NETO1: variants seen among roughly 807,000 people sequenced by gnomAD.
NETO1 encodes the protein neuropilin and tolloid like 1.
Under a neutral mutation model 61.3 loss-of-function variants are expected in NETO1, and 26 were observed. The ratio of observed to expected loss-of-function variants is 0.42; its 90% CI spans 0.31 to 0.59. The LOEUF is 0.59. Ranked by LOEUF, NETO1 falls within the 20% of genes least tolerant of loss-of-function variation. NETO1 has a pLI of 0.12. For synonymous variants in NETO1, 225 were observed against 225.8 expected, an observed-to-expected ratio of 1.00 and a Z score of 0.03; for missense variants, 531 against 662.8, an observed-to-expected ratio of 0.80 and a Z score of 2.18.
At chr18:72,819,169 CCT>C (rs935082141) in intron 4 of NETO1, among the ~76,000 whole-genome samples, 58 of 152,126 alleles carry the variant, frequency 3.8e-4, no homozygotes, top group African/African-American at 1.3e-3. Flanking sequence ...TTTCTCTCTC[CCT>C]CTCTCAAACT....
chr18:72,848,284 C>T (rs970360992), intron 4 of NETO1, among the ~76,000 whole-genome samples: 5 of 152,118 alleles, frequency 3.3e-5, no homozygotes, highest in African/African-American at 1.2e-4. Context: ...TTCATATCAA[C>T]CCCACAGATG....
At chr18:72,817,986 T>C (rs77695090) in intron 4 of NETO1, among the ~76,000 whole-genome samples, 1 of 152,188 alleles carries the variant, frequency 6.6e-6, no homozygotes, top group Admixed American at 6.5e-5. Flanking sequence ...TGGATCCTCA[T>C]GCAGGTGAGC....
intron 7 of NETO1, among the ~76,000 whole-genome samples, chr18:72,769,505 C>T (rs2071273870): frequency 6.6e-6 from 1 of 152,110 alleles, no homozygotes; most frequent in Non-Finnish European, 1.5e-5. Flanking sequence ...CTCTTGCTTT[C>T]CTAGACTTAA....
rs569844595 is a variant in NETO1 at position 72,750,327 on chromosome 18, T to G, written c.1276A>C (p.Lys426Gln). Residue 426 changes from lysine to glutamine, a missense_variant, in exon 9 of 11, where the codon AAA becomes CAA. By Grantham distance (53) the Lys-to-Gln change is moderately conservative (BLOSUM62 1). Transcript: ENST00000327305. ...CCACAGTGATGGTCATGAATGCATT[T>G]GGAAGATGACCTCCGCAGTTTATGG... ...NYHKLRRSSSKCIHDHHCGSQ... is the reference protein window; with the variant it reads ...NYHKLRRSSSQCIHDHHCGSQ... 6.2e-7 allele frequency: 1 copy of G among 1,614,106 alleles called. No individual in the cohort carries two copies. The highest frequency in any genetic ancestry group is 2.2e-5 in the East Asian group (1 of 44,876).
chr18:72,749,521 A>G (rs1025187829), intron 9 of NETO1, among the ~76,000 whole-genome samples: 1 of 152,118 alleles, frequency 6.6e-6, no homozygotes, highest in Non-Finnish European at 1.5e-5. Flanking sequence ...ATACTATCCT[A>G]TGCAATTCCT....
intron 4 of NETO1, among the ~76,000 whole-genome samples, chr18:72,822,729 T>C (rs2145308732): frequency 6.6e-6 from 1 of 152,308 alleles, no homozygotes; most frequent in South Asian, 2.1e-4. Context: ...AGCTGAAGAC[T>C]TCACTTGCGG....
At chr18:72,817,115 G>A (rs990466448) in intron 4 of NETO1, among the ~76,000 whole-genome samples, 3 of 152,150 alleles carry the variant, frequency 2.0e-5, no homozygotes, top group Admixed American at 2.0e-4. Flanking sequence ...CTCTTCTCTT[G>A]GAACCTGAGT....
chr18:72,782,279 T>G (rs1317725447), intron 7 of NETO1, among the ~76,000 whole-genome samples: 2 of 152,200 alleles, frequency 1.3e-5, no homozygotes, highest in African/African-American at 4.8e-5. Flanking sequence ...TTCCATGCCT[T>G]TACTATGGGA....
At chr18:72,767,318 C>T (rs778815243) in intron 7 of NETO1, among the ~76,000 whole-genome samples, 4 of 152,154 alleles carry the variant, frequency 2.6e-5, no homozygotes, top group Non-Finnish European at 5.9e-5. Flanking sequence ...TAGAATCAGA[C>T]ACATTAATAT....
chr18:72,774,363 G>A (rs959884590), intron 7 of NETO1, among the ~76,000 whole-genome samples: 1 of 151,962 alleles, frequency 6.6e-6, no homozygotes, highest in East Asian at 1.9e-4. Flanking sequence ...ATTCATATTG[G>A]GCAGTTATTC....
chr18:72,759,010 A>C (rs1271082992), intron 7 of NETO1, among the ~76,000 whole-genome samples: 2 of 152,190 alleles, frequency 1.3e-5, no homozygotes, highest in Non-Finnish European at 2.9e-5. Context: ...GCATATATGC[A>C]ATGATGCACT....
intron 7 of NETO1, among the ~76,000 whole-genome samples, chr18:72,772,825 CTATATATATATATATATATATATA>C (rs59339805): frequency 0.016 from 662 of 40,850 alleles, 27 homozygotes; most frequent in African/African-American, 0.047. Context: ...CTCTCTCTCT[CTATATATATATATATATATATATA>C]TATATATATA....
chr18:72,829,146 A>G (rs1254025071), intron 4 of NETO1, among the ~76,000 whole-genome samples: 1 of 152,318 alleles, frequency 6.6e-6, no homozygotes, highest in East Asian at 1.9e-4. Flanking sequence ...GAAAAACACA[A>G]TCATTATAAA....
intron 1 of NETO1, 126 bp downstream of exon 1, chr18:72,867,138 G>T (rs2074763265): frequency 3.1e-6 from 2 of 654,976 alleles, no homozygotes; most frequent in South Asian, 3.3e-5. Context: ...CGTCGGCCCC[G>T]ACCCGCGCGG....
chr18:72,797,548 GCAGA>G (rs149067637), intron 4 of NETO1, among the ~76,000 whole-genome samples: 3,130 of 152,230 alleles, frequency 0.021, 86 homozygotes, highest in East Asian at 0.088. Context: ...GAATTATTAG[GCAGA>G]CACACGATAA....
intron 1 of NETO1, chr18:72,866,595 A>T (rs1348864034): frequency 2.4e-5 from 13 of 535,758 alleles, no homozygotes; most frequent in Non-Finnish European, 3.1e-5. Flanking sequence ...ACCCCTCTCA[A>T]CTGCGTGGCC....
chr18:72,769,660 T>A (rs113500229), intron 7 of NETO1, among the ~76,000 whole-genome samples: 2 of 152,268 alleles, frequency 1.3e-5, no homozygotes, highest in African/African-American at 4.8e-5. Flanking sequence ...CCATTGTCTT[T>A]TACATATATG....
chr18:72,788,722 T>C (rs1321651839), intron 6 of NETO1, among the ~76,000 whole-genome samples: 2 of 152,102 alleles, frequency 1.3e-5, no homozygotes, highest in East Asian at 1.9e-4. Flanking sequence ...CTTCAAAACA[T>C]ATAAATAATT....
chr18:72,829,259 T>C (rs925455722), intron 4 of NETO1, among the ~76,000 whole-genome samples: 92 of 152,216 alleles, frequency 6.0e-4, no homozygotes, highest in African/African-American at 2.0e-3. Flanking sequence ...CCATCTACTT[T>C]GTTCATGAAA....
Sources: gnomAD v4.1 joint callset for allele counts (sites outside exome capture counted in the v4.1 genomes callset) on GRCh38, gnomAD v4.1.1 for gene constraint, MANE v1.5 for transcripts, NCBI Gene and HGNC (gene_info 2026-07-23, HGNC 2026-07-21) for gene names.